Variants in GALNT17 observed in about 807,000 individuals in gnomAD.
GALNT17 encodes the protein polypeptide N-acetylgalactosaminyltransferase 17, also known as UDP-GalNAc:polypeptide N-acetylgalactosaminyltransferase-like 3.
A neutral mutation model predicts 63.7 loss-of-function variants in GALNT17; 29 were observed. That is an observed-to-expected ratio of 0.46 (90% CI 0.34 to 0.62). GALNT17 has a LOEUF of 0.62. GALNT17 is among the 20% of genes least tolerant of loss of function. GALNT17 has a pLI of 0.01. For synonymous variants in GALNT17, 305 were observed against 318.3 expected (o/e 0.96, Z 0.45); for missense variants, 603 against 799.6 (o/e 0.75, Z 2.97).
At chr7:71,155,551 G>T (rs1043216236) in intron 1 of GALNT17, among the ~76,000 whole-genome samples, 4 of 151,766 alleles carry the variant, frequency 2.6e-5, no homozygotes, top group African/African-American at 4.9e-5. Flanking sequence ...TGGATTACAG[G>T]TGTGAGCCAC....
intron 5 of GALNT17, among the ~76,000 whole-genome samples, chr7:71,450,165 T>G (rs1787233892): frequency 6.6e-6 from 1 of 151,438 alleles, no homozygotes; most frequent in Non-Finnish European, 1.5e-5. Context: ...TGAGACAGTC[T>G]TTCTCTGTCG....
At chr7:71,510,481 C>T (rs1421847350) in intron 5 of GALNT17, among the ~76,000 whole-genome samples, 1 of 152,116 alleles carries the variant, frequency 6.6e-6, no homozygotes, top group Non-Finnish European at 1.5e-5. Context: ...TGGGTCATGC[C>T]TGGGTGCTAA....
chr7:71,509,757 A>T (rs1352108020), intron 5 of GALNT17, among the ~76,000 whole-genome samples: 1 of 152,156 alleles, frequency 6.6e-6, no homozygotes, highest in Non-Finnish European at 1.5e-5. Context: ...GAACAGAGAG[A>T]TGGAGGCTTA....
chr7:71,264,189 C>G (rs796493753), intron 1 of GALNT17, among the ~76,000 whole-genome samples: 3 of 152,232 alleles, frequency 2.0e-5, no homozygotes, highest in African/African-American at 7.2e-5. Context: ...TCCAGTTGTG[C>G]CTTCATTCCT....
At chr7:71,207,659 A>G (rs561669951) in intron 1 of GALNT17, among the ~76,000 whole-genome samples, 1 of 152,112 alleles carries the variant, frequency 6.6e-6, no homozygotes, top group Non-Finnish European at 1.5e-5. Flanking sequence ...CACCATGGGT[A>G]AGTGTCACTC....
intron 1 of GALNT17, among the ~76,000 whole-genome samples, chr7:71,204,216 G>C (rs192116651): frequency 6.6e-6 from 1 of 152,204 alleles, no homozygotes; most frequent in Non-Finnish European, 1.5e-5. Flanking sequence ...CTGTTAATGT[G>C]TGTGTTTATT....
At chr7:71,379,952 T>C (rs371692964) in intron 2 of GALNT17, among the ~76,000 whole-genome samples, 1 of 152,036 alleles carries the variant, frequency 6.6e-6, no homozygotes, top group East Asian at 1.9e-4. Flanking sequence ...GGGTAACCTG[T>C]GCAACAAAAC....
intron 6 of GALNT17, among the ~76,000 whole-genome samples, chr7:71,663,047 T>G (rs945479359): frequency 1.3e-5 from 2 of 152,134 alleles, no homozygotes; most frequent in Non-Finnish European, 2.9e-5. Flanking sequence ...TTCAGTTCTA[T>G]TCCATTGATC....
rs115111093 is a variant in GALNT17 at position 71,255,939 on chromosome 7, G to T, written c.239-79611G>T. The stretch of plus-strand genomic sequence containing the variant: ...TGAGTTCAGGCCATGATAGGGAGGG[G>T]AAGCTGGACATACCTCATTATACCC... On this transcript the variant is annotated intron_variant, in intron 1 of 10. Coordinates refer to ENST00000333538, the MANE Select transcript of GALNT17 (RefSeq NM_022479.3). Among the ~76,000 whole-genome samples the T allele has an allele frequency of 2.8e-3, 426 of 152,274 alleles. 4 individuals carry two copies. The highest frequency in any genetic ancestry group is 9.7e-3 in the African/African-American group (401 of 41,554).
At chr7:71,555,047 A>G (rs1022735922) in intron 5 of GALNT17, among the ~76,000 whole-genome samples, 24 of 152,140 alleles carry the variant, frequency 1.6e-4, no homozygotes, top group African/African-American at 5.8e-4. Flanking sequence ...GGGAGCCAGC[A>G]TTACGTGGTG....
intron 10 of GALNT17, among the ~76,000 whole-genome samples, chr7:71,711,660 A>C (rs953585008): frequency 1.4e-4 from 18 of 130,546 alleles, no homozygotes; most frequent in South Asian, 2.5e-4. Flanking sequence ...TCTCCCCTTT[A>C]TCTTTCTCTT....
intron 7 of GALNT17, 40 bp downstream of exon 7, chr7:71,665,636 G>A: frequency 6.4e-7 from 1 of 1,569,294 alleles, no homozygotes; most frequent in Non-Finnish European, 8.6e-7. Flanking sequence ...CCAGTACAGT[G>A]ATCCTTACTG....
chr7:71,597,454 G>A (rs1335718844), intron 6 of GALNT17, among the ~76,000 whole-genome samples: 1 of 152,086 alleles, frequency 6.6e-6, no homozygotes, highest in African/African-American at 2.4e-5. Flanking sequence ...GCTGCAGGGA[G>A]CTATGATTGT....
chr7:71,347,541 G>A (rs550317724), intron 2 of GALNT17, among the ~76,000 whole-genome samples: 2 of 152,214 alleles, frequency 1.3e-5, no homozygotes, highest in South Asian at 4.1e-4. Context: ...AGGATCTTCA[G>A]GAAAATATCT....
chr7:71,147,389 A>G (rs1224964652), intron 1 of GALNT17, among the ~76,000 whole-genome samples: 1 of 152,124 alleles, frequency 6.6e-6, no homozygotes, highest in Non-Finnish European at 1.5e-5. Flanking sequence ...AGGCCAGTCT[A>G]ACTTTTCATG....
intron 6 of GALNT17, among the ~76,000 whole-genome samples, chr7:71,601,630 A>G (rs542635477): frequency 2.6e-5 from 4 of 152,106 alleles, no homozygotes; most frequent in East Asian, 1.9e-4. Context: ...AAATATGTAT[A>G]TATAATTAGC....
At chr7:71,188,188 C>CAG (rs57390345) in intron 1 of GALNT17, among the ~76,000 whole-genome samples, 1 of 151,912 alleles carries the variant, frequency 6.6e-6, no homozygotes, top group African/African-American at 2.4e-5. Flanking sequence ...CTGCCATAAA[C>CAG]GTGTGTGCAA....
chr7:71,465,924 G>A (rs974250179), intron 5 of GALNT17, among the ~76,000 whole-genome samples: 7 of 152,132 alleles, frequency 4.6e-5, no homozygotes, highest in African/African-American at 1.7e-4. Context: ...AGTCTCACAT[G>A]GTAGCAGCCC....
rs140679026 is a variant in GALNT17, at chr7:71,156,282, G to T, written c.238+23242G>T. 3.2e-3 allele frequency among the ~76,000 whole-genome samples: 487 copies of T among 151,938 alleles called. 15 individuals are homozygous for T. Among genetic ancestry groups the T allele is most frequent in the African/African-American group, 0.012 (478 of 41,258 alleles). ...TACCAAAGATAAGGGCATAGAGCAG[G>T]CTAGGGCTTCCCATGCCTGATGGAG... On this transcript the variant is annotated intron_variant, in intron 1 of 10. Coordinates refer to ENST00000333538, the MANE Select transcript of GALNT17 (RefSeq NM_022479.3).
Sources: gnomAD v4.1 joint callset for allele counts (sites outside exome capture counted in the v4.1 genomes callset) on GRCh38, gnomAD v4.1.1 for gene constraint, MANE v1.5 for transcripts, NCBI Gene and HGNC (gene_info 2026-07-23, HGNC 2026-07-21) for gene names.